WDR33: variants seen among roughly 807,000 people sequenced by gnomAD.
WDR33 encodes WD repeat domain 33, also known as pre-mRNA 3' end processing protein WDR33.
A neutral mutation model predicts 164.9 loss-of-function variants in WDR33; 47 were observed. That is an observed-to-expected ratio of 0.29 (90% confidence interval 0.23 to 0.36). WDR33 has a LOEUF of 0.36. Ranked by LOEUF, WDR33 falls within the 10% of genes least tolerant of loss-of-function variation. The pLI, the probability that WDR33 is intolerant of heterozygous loss-of-function variation, is 1.00. For synonymous variants in WDR33, 505 were observed against 589.0 expected (o/e 0.86, Z 2.06); for missense variants, 1,137 against 1,754.1 (o/e 0.65, Z 6.28).
chr2:127,783,960 TG>T (rs1688468680), intron 1 of WDR33, among the ~76,000 whole-genome samples: 1 of 150,654 alleles, frequency 6.6e-6, no homozygotes, highest in African/African-American at 2.5e-5. Flanking sequence ...TTGTTTACTG[TG>T]GTATTGGATA....
At position 127,721,964 on chromosome 2, in the gene WDR33, T is replaced by G; in HGVS notation, c.1543A>C (p.Ile515Leu). Residue 515 changes from isoleucine to leucine, a missense_variant, in exon 15 of 22, where the codon ATT (isoleucine) becomes CTT (leucine). Transcript: ENST00000322313. The surrounding 1 kb of genome is among the most constrained non-coding windows in gnomAD (Gnocchi z 4.9). ...TTCAGCACCTCATTTGGAGCAGGAA[T>G]TGGAACTTTATTTTGCATCCAAGCC... is the stretch of plus-strand genomic sequence containing the variant. ...QQAWMQNKVPIPAPNEVLNDR... is the reference protein window; with the variant it reads ...QQAWMQNKVPLPAPNEVLNDR... 1 of 1,612,624 alleles carries G rather than the reference T, an allele frequency of 6.2e-7. No homozygotes were observed. The highest frequency in any genetic ancestry group is 8.5e-7 in the Non-Finnish European group (1 of 1,179,760).
chr2:127,790,114 G>A (rs1232624812), intron 1 of WDR33, among the ~76,000 whole-genome samples: 2 of 152,118 alleles, frequency 1.3e-5, no homozygotes, highest in African/African-American at 4.8e-5. Context: ...TGGGATTACA[G>A]GCATGAGCCA....
chr2:127,701,981 AGCGCTGGGCGCCACGCTGTTCGCC>A lies in WDR33; in HGVS notation c.*4318_*4341del, dbSNP rs1316252166. On this transcript the variant is annotated 3_prime_UTR_variant, in exon 22 of 22. Transcript: ENST00000322313. ...CCCGGCCCGCGCTGCTCTACATGGC[AGCGCTGGGCGCCACGCTGTTCGCC>A]GCGCTGGGCCTTCGCAGCACGCTGC... 1 of 1,359,092 alleles carries A rather than the reference AGCGCTGGGCGCCACGCTGTTCGCC, an allele frequency of 7.4e-7. No homozygotes were observed. Among genetic ancestry groups the A allele is most frequent in the Non-Finnish European group, 9.4e-7 (1 of 1,060,000 alleles). The allele number at this position is 1,359,092 out of a possible 1,614,324, so 84.2% of individuals were successfully genotyped here.
chr2:127,748,104 CT>C (rs1219830241), intron 7 of WDR33, among the ~76,000 whole-genome samples: 8 of 152,196 alleles, frequency 5.3e-5, no homozygotes, highest in Non-Finnish European at 1.2e-4. Flanking sequence ...ACTTGACCCC[CT>C]CTATAAGATC....
chr2:127,737,385 A>G (rs1407651928), intron 7 of WDR33: 39 of 985,440 alleles, frequency 4.0e-5, no homozygotes, highest in Non-Finnish European at 4.6e-5. Context: ...ATGTTCGGGC[A>G]CATGTTATTC....
At chr2:127,759,128 T>C (rs765577434) in intron 7 of WDR33, among the ~76,000 whole-genome samples, 33 of 152,200 alleles carry the variant, frequency 2.2e-4, no homozygotes, top group Non-Finnish European at 3.8e-4. Flanking sequence ...CCATAATTAA[T>C]ACTAGAAAAA....
Position 127,709,806 on chromosome 2 carries a change from C to T in WDR33, c.3359G>A (p.Gly1120Glu), listed in dbSNP as rs753624342. The change falls in exon 19 of 22, where the codon GGA (glycine) becomes GAA (glutamate). Residue 1120 changes from glycine to glutamate, a missense_variant. Around this residue, in one of 9 missense-constraint regions of WDR33, gnomAD observed 867 missense variants for 1,073.0 expected, o/e 0.81. Transcript: ENST00000322313. This position sits in a 1 kb window ranked among gnomAD's most constrained non-coding sequence, Gnocchi z 5.0. ...PRHEGRAPPR[G>E]RDGFPGPEDF... ...TTCAGGACCAGGAAAACCATCCCTT[C>T]CTCTGGGGGGAGCACGGCCCTCATG... The T allele has an allele frequency of 1.9e-6, 3 of 1,614,216 alleles. No individual in the cohort carries two copies. Among genetic ancestry groups the T allele is most frequent in the Non-Finnish European group, 2.5e-6 (3 of 1,180,046 alleles).
At chr2:127,749,661 CAAA>C (rs1212240477) in intron 7 of WDR33, among the ~76,000 whole-genome samples, 9 of 80,968 alleles carry the variant, frequency 1.1e-4, no homozygotes, top group Admixed American at 1.3e-4. Flanking sequence ...GACTCCACCT[CAAA>C]AAAAAAAAAA....
intron 1 of WDR33, among the ~76,000 whole-genome samples, chr2:127,788,664 T>A: frequency 2.9e-5 from 4 of 138,564 alleles, no homozygotes; most frequent in South Asian, 2.4e-4. Flanking sequence ...CCCCCCCACC[T>A]CCCTCCCGGA....
chr2:127,766,550 T>C (rs911229832), intron 4 of WDR33, among the ~76,000 whole-genome samples: 9 of 152,208 alleles, frequency 5.9e-5, no homozygotes, highest in Non-Finnish European at 1.0e-4. Flanking sequence ...GCCTCTACTA[T>C]GTGCAAATTC....
rs912804612 is a variant in WDR33 at position 127,738,937 on chromosome 2, T to C, written c.725-12160A>G. 1.3e-5 allele frequency among the ~76,000 whole-genome samples: 2 copies of C among 152,170 alleles called. No individual in the cohort carries two copies. Among genetic ancestry groups the C allele is most frequent in the African/African-American group, 4.8e-5 (2 of 41,428 alleles). On this transcript the variant is annotated intron_variant, in intron 7 of 21. Transcript: ENST00000322313. This position sits in a 1 kb window ranked among gnomAD's most constrained non-coding sequence, Gnocchi z 4.4. ...AAAGTTTTGAATCTAGCATTCAATA[T>C]CCAACCAGTCCCGTTATAAATGTAA...
intron 1 of WDR33, among the ~76,000 whole-genome samples, chr2:127,776,782 T>C (rs1688197106): frequency 1.3e-5 from 2 of 152,248 alleles, no homozygotes; most frequent in South Asian, 2.1e-4. Flanking sequence ...TGAAAAGTTA[T>C]TGACCACGAC....
chr2:127,789,640 A>G (rs1688773868), intron 1 of WDR33, among the ~76,000 whole-genome samples: 1 of 151,424 alleles, frequency 6.6e-6, no homozygotes, highest in African/African-American at 2.4e-5. Context: ...AGATGGCAGC[A>G]GTACAGTCCA....
intron 7 of WDR33, among the ~76,000 whole-genome samples, chr2:127,742,565 C>T (rs775874984): frequency 3.4e-5 from 5 of 147,008 alleles, no homozygotes; most frequent in Non-Finnish European, 6.0e-5. Flanking sequence ...ACCAGAAGGG[C>T]TGAAAACCAG....
At position 127,719,964 on chromosome 2, in the gene WDR33, C is replaced by A. The variant is rs201266875; in HGVS notation, c.2061G>T (p.Leu687Phe). Residue 687 changes from leucine (L) to phenylalanine (F), a missense_variant, in exon 16 of 22, where the codon TTG becomes TTT. Leu to Phe is a conservative substitution (Grantham distance 22). Around this residue, in one of 9 missense-constraint regions of WDR33, gnomAD observed 867 missense variants for 1,073.0 expected, o/e 0.81. Transcript: ENST00000322313. The surrounding 1 kb of genome is among the most constrained non-coding windows in gnomAD (Gnocchi z 6.5). Reference sequence around the variant, plus strand: ...GTGGTCCAGGTGGCCCTTGAGGTCCCAAAGGGCCATGAGGTCCAGGATGCC... The same window carrying A: ...GTGGTCCAGGTGGCCCTTGAGGTCCAAAAGGGCCATGAGGTCCAGGATGCC... Reference protein sequence around the residue: ...MQRHPGPHGPLGPQGPPGPQG... With the variant: ...MQRHPGPHGPFGPQGPPGPQG... 6.7e-5 allele frequency: 108 copies of A among 1,613,846 alleles called. No individual in the cohort carries two copies. The highest frequency in any genetic ancestry group is 6.2e-5 in the Non-Finnish European group (73 of 1,179,982).
At chr2:127,792,085 T>C (rs1343493060) in intron 1 of WDR33, among the ~76,000 whole-genome samples, 1 of 151,900 alleles carries the variant, frequency 6.6e-6, no homozygotes, top group African/African-American at 2.4e-5. Flanking sequence ...ATTATAAGCA[T>C]GCACCACCAC....
rs552435090 is a variant in WDR33 at position 127,710,391 on chromosome 2, T to C, written c.3309-535A>G. ...GGGCACAGATCGTGTCTGCCAACCA[T>C]ACTGGACCTGTCTGTAGGTAGGGGC... is the stretch of plus-strand genomic sequence containing the variant. On this transcript the variant is annotated intron_variant, in intron 18 of 21. Transcript: ENST00000322313. This position sits in a 1 kb window ranked among gnomAD's most constrained non-coding sequence, Gnocchi z 4.4. Among the ~76,000 whole-genome samples, 8 of 152,326 alleles carry C rather than the reference T, an allele frequency of 5.3e-5. No homozygotes were observed. The highest frequency in any genetic ancestry group is 1.9e-4 in the African/African-American group (8 of 41,572).
At chr2:127,769,093 G>A in intron 2 of WDR33, 92 bp from the exon 3 acceptor site, 1 of 715,096 alleles carries the variant, frequency 1.4e-6, no homozygotes. Flanking sequence ...TTAACAAAAT[G>A]TAAGCTATAT....
intron 7 of WDR33, among the ~76,000 whole-genome samples, chr2:127,727,902 G>A (rs1686609108): frequency 6.6e-6 from 1 of 152,206 alleles, no homozygotes; most frequent in Non-Finnish European, 1.5e-5. Context: ...TGGGAAAGAA[G>A]AGACGGGGTA....
Sources: gnomAD v4.1 joint callset for allele counts (sites outside exome capture counted in the v4.1 genomes callset) on GRCh38, gnomAD v4.1.1 for gene constraint, gnomAD v4.1.1 regional missense constraint, Gnocchi (gnomAD v3.1) non-coding constraint, MANE v1.5 for transcripts, NCBI Gene and HGNC (gene_info 2026-07-23, HGNC 2026-07-21) for gene names.